LINGO2: variants seen among roughly 807,000 people sequenced by gnomAD.
LINGO2 encodes the protein leucine-rich repeat and immunoglobulin-like domain-containing nogo receptor-interacting protein 2.
LINGO2 carries 14 observed loss-of-function variants against 30.6 expected under a neutral mutation model. The ratio of observed to expected loss-of-function variants is 0.46; its 90% CI spans 0.30 to 0.72. The LOEUF (loss-of-function observed/expected upper bound fraction) is 0.72, where lower values mean the gene tolerates loss of function less well. Ranked by LOEUF, LINGO2 falls within the 30% of genes least tolerant of loss-of-function variation. LINGO2 has a pLI of 0.07. For missense variants in LINGO2, 729 were observed against 751.7 expected (o/e 0.97, Z 0.35); for synonymous variants, 317 against 288.5 (o/e 1.10, Z -1.00).
chr9:28,254,467 T>G (rs753183474), intron 4 of LINGO2, among the ~76,000 whole-genome samples: 2 of 152,124 alleles, frequency 1.3e-5, no homozygotes, highest in Non-Finnish European at 2.9e-5. Flanking sequence ...TTTATCTTCC[T>G]AGATGAAAGA....
chr9:28,582,963 T>C (rs1390547982), intron 1 of LINGO2, among the ~76,000 whole-genome samples: 3 of 152,002 alleles, frequency 2.0e-5, no homozygotes, highest in Admixed American at 2.0e-4. Context: ...TTTGTGTATA[T>C]GTGTATACAC....
At chr9:28,944,181 T>A in the LINGO2 span, among the ~76,000 whole-genome samples, 1 of 152,180 alleles carries the variant, frequency 6.6e-6, no homozygotes, top group Non-Finnish European at 1.5e-5. Flanking sequence ...CACCACGACA[T>A]CTCATTCCAT....
At chr9:28,520,289 G>A (rs1478575056) in intron 1 of LINGO2, among the ~76,000 whole-genome samples, 1 of 152,048 alleles carries the variant, frequency 6.6e-6, no homozygotes, top group African/African-American at 2.4e-5. Flanking sequence ...TTATGACGAT[G>A]TAGGTTTTTA....
chr9:28,226,635 G>A (rs1203830373), intron 4 of LINGO2, among the ~76,000 whole-genome samples: 3 of 66,888 alleles, frequency 4.5e-5, no homozygotes, highest in African/African-American at 1.7e-4. Context: ...AGGAAAGAAG[G>A]AAAGAAGGAA....
chr9:29,211,680 G>A, the LINGO2 span, among the ~76,000 whole-genome samples: 5 of 152,082 alleles, frequency 3.3e-5, no homozygotes, highest in Admixed American at 6.5e-5. Context: ...AATGCTGAAT[G>A]GGGAGACTTC....
chr9:28,607,889 T>C (rs1281644296), intron 1 of LINGO2, among the ~76,000 whole-genome samples: 1 of 152,032 alleles, frequency 6.6e-6, no homozygotes, highest in Non-Finnish European at 1.5e-5. Context: ...TCAAAGAAAG[T>C]GGAGTTCCAG....
chr9:28,901,819 A>C, the LINGO2 span, among the ~76,000 whole-genome samples: 2 of 152,118 alleles, frequency 1.3e-5, no homozygotes, highest in Non-Finnish European at 2.9e-5. Flanking sequence ...ACCAGAAAAC[A>C]ATTATTAAAA....
intron 1 of LINGO2, among the ~76,000 whole-genome samples, chr9:28,659,232 C>T (rs1196948023): frequency 6.6e-6 from 1 of 151,904 alleles, no homozygotes; most frequent in Non-Finnish European, 1.5e-5. Flanking sequence ...CAGATAGACA[C>T]TCACTGAATA....
At chr9:28,089,107 A>T (rs533359940) in intron 4 of LINGO2, among the ~76,000 whole-genome samples, 2 of 152,242 alleles carry the variant, frequency 1.3e-5, no homozygotes, top group South Asian at 4.1e-4. Context: ...CTCCCACACA[A>T]TAATAATGGG....
At chr9:28,159,924 G>A (rs7852215) in intron 4 of LINGO2, among the ~76,000 whole-genome samples, 12,411 of 152,076 alleles carry the variant, frequency 0.082, 578 homozygotes, top group East Asian at 0.2. Context: ...GTTGATAGAT[G>A]TCTGTTCAAC....
At chr9:28,246,824 G>GA (rs1319481398) in intron 4 of LINGO2, among the ~76,000 whole-genome samples, 1 of 152,158 alleles carries the variant, frequency 6.6e-6, no homozygotes, top group Non-Finnish European at 1.5e-5. Context: ...GCATCCTACA[G>GA]AGTGGGAGAA....
At chr9:28,135,579 G>A (rs1827495151) in intron 4 of LINGO2, among the ~76,000 whole-genome samples, 1 of 151,570 alleles carries the variant, frequency 6.6e-6, no homozygotes, top group Non-Finnish European at 1.5e-5. Flanking sequence ...CCTTTCAATG[G>A]CCTCTGATGA....
the LINGO2 span, among the ~76,000 whole-genome samples, chr9:28,805,002 C>A: frequency 6.6e-6 from 1 of 152,132 alleles, no homozygotes; most frequent in African/African-American, 2.4e-5. Flanking sequence ...AGGCCCTATA[C>A]AGTCCACGTC....
At chr9:28,907,488 G>C in the LINGO2 span, among the ~76,000 whole-genome samples, 54 of 151,854 alleles carry the variant, frequency 3.6e-4, no homozygotes, top group African/African-American at 1.2e-3. Context: ...GGAGAGAAGT[G>C]ATGACATATT....
At chr9:28,236,748 G>T (rs1339622376) in intron 4 of LINGO2, among the ~76,000 whole-genome samples, 1 of 152,092 alleles carries the variant, frequency 6.6e-6, no homozygotes, top group Non-Finnish European at 1.5e-5. Context: ...GGGTAGTAGG[G>T]GGTGTAGGAA....
intron 4 of LINGO2, among the ~76,000 whole-genome samples, chr9:28,024,098 G>C (rs530834597): frequency 4.7e-4 from 71 of 152,296 alleles, no homozygotes; most frequent in African/African-American, 1.7e-3. Context: ...CTAGTTTTAA[G>C]AACAGGAGTG....
chr9:29,114,179 T>C, the LINGO2 span, among the ~76,000 whole-genome samples: 1 of 148,818 alleles, frequency 6.7e-6, no homozygotes, highest in African/African-American at 2.4e-5. Context: ...ATAATATATA[T>C]ATTTTTTTTA....
At chr9:28,084,597 G>A (rs1012925222) in intron 4 of LINGO2, among the ~76,000 whole-genome samples, 4 of 152,080 alleles carry the variant, frequency 2.6e-5, no homozygotes, top group African/African-American at 9.7e-5. Flanking sequence ...TTTACTGTAT[G>A]AAGAAGCTTT....
chr9:28,681,143 T>A, the LINGO2 span, among the ~76,000 whole-genome samples: 464 of 151,944 alleles, frequency 3.1e-3, 3 homozygotes, highest in African/African-American at 0.011. Flanking sequence ...GGGTCTAAAT[T>A]CACTCTTGCA....
Sources: allele counts gnomAD v4.1 joint callset (sites outside exome capture counted in the v4.1 genomes callset), GRCh38; gene constraint gnomAD v4.1.1; transcripts MANE v1.5; gene names NCBI Gene and HGNC (gene_info 2026-07-23, HGNC 2026-07-21).